Variants in CNTNAP2 observed in about 807,000 individuals in gnomAD.
CNTNAP2 encodes the protein contactin associated protein 2.
In CNTNAP2, 98 loss-of-function variants were observed where a neutral mutation model predicts 155.2. That is an observed-to-expected ratio of 0.63 (90% confidence interval 0.54 to 0.75). The LOEUF is 0.75. Among genes scored for constraint, CNTNAP2 ranks in the 30% least tolerant of loss-of-function variants. The pLI is 0.00. For missense variants in CNTNAP2, 1,727 were observed against 1,688.1 expected, an observed-to-expected ratio of 1.02 and a Z score of -0.40; for synonymous variants, 651 against 631.2, an observed-to-expected ratio of 1.03 and a Z score of -0.47.
intron 22 of CNTNAP2, among the ~76,000 whole-genome samples, chr7:148,384,666 C>G (rs1296040251): frequency 6.6e-6 from 1 of 152,102 alleles, no homozygotes; most frequent in East Asian, 1.9e-4. Context: ...ATCCAACATT[C>G]AGTGGGTCTC....
chr7:146,646,533 C>T (rs1330358414), intron 1 of CNTNAP2, among the ~76,000 whole-genome samples: 1 of 152,076 alleles, frequency 6.6e-6, no homozygotes, highest in Admixed American at 6.6e-5. Flanking sequence ...TATATACACA[C>T]AGTAGTTAAA....
chr7:146,595,111 G>A (rs1485809138), intron 1 of CNTNAP2, among the ~76,000 whole-genome samples: 1 of 151,972 alleles, frequency 6.6e-6, no homozygotes, highest in African/African-American at 2.4e-5. Context: ...GTTGGCTCCA[G>A]CACATCAGAA....
At chr7:146,790,005 C>T (rs980856201) in intron 2 of CNTNAP2, among the ~76,000 whole-genome samples, 7 of 151,720 alleles carry the variant, frequency 4.6e-5, no homozygotes, top group African/African-American at 1.5e-4. Flanking sequence ...GCTTTCTTCC[C>T]TTTCAAATAA....
At chr7:147,142,801 C>G (rs4551260) in intron 8 of CNTNAP2, among the ~76,000 whole-genome samples, 58 of 151,580 alleles carry the variant, frequency 3.8e-4, no homozygotes, top group Non-Finnish European at 7.4e-5. Context: ...CACACAAGAA[C>G]ATGCACAAAC....
At chr7:146,737,547 G>A (rs535547345) in intron 1 of CNTNAP2, among the ~76,000 whole-genome samples, 27 of 152,148 alleles carry the variant, frequency 1.8e-4, no homozygotes, top group Non-Finnish European at 3.4e-4. Flanking sequence ...TGCATAAAGT[G>A]CCTTATGTAC....
intron 3 of CNTNAP2, among the ~76,000 whole-genome samples, chr7:146,894,403 C>A (rs1233484138): frequency 6.6e-6 from 1 of 152,114 alleles, no homozygotes; most frequent in Non-Finnish European, 1.5e-5. Context: ...GCACTCTTTG[C>A]TTCAGCATTT....
chr7:148,036,396 C>T (rs1308398889), intron 15 of CNTNAP2, among the ~76,000 whole-genome samples: 1 of 152,020 alleles, frequency 6.6e-6, no homozygotes, highest in Non-Finnish European at 1.5e-5. Flanking sequence ...GGTGGCACTG[C>T]CCTCATGAAA....
intron 3 of CNTNAP2, among the ~76,000 whole-genome samples, chr7:147,025,592 C>T (rs953082464): frequency 9.9e-5 from 15 of 151,780 alleles, no homozygotes; most frequent in South Asian, 4.2e-4. Context: ...CCACCTCCAA[C>T]GCTGGGAATT....
At chr7:147,645,406 A>C (rs1584877020) in intron 13 of CNTNAP2, among the ~76,000 whole-genome samples, 2 of 152,234 alleles carry the variant, frequency 1.3e-5, no homozygotes, top group East Asian at 3.8e-4. Context: ...GTGACTAATC[A>C]GTGTATTAAT....
chr7:146,221,553 T>A (rs2116897950), intron 1 of CNTNAP2, among the ~76,000 whole-genome samples: 1 of 152,286 alleles, frequency 6.6e-6, no homozygotes, highest in East Asian at 1.9e-4. Context: ...GACCTGAAGA[T>A]TAGCCTGATA....
At chr7:147,636,808 T>A (rs1371905248) in intron 12 of CNTNAP2, among the ~76,000 whole-genome samples, 1 of 151,876 alleles carries the variant, frequency 6.6e-6, no homozygotes, top group Non-Finnish European at 1.5e-5. Context: ...TTTAAAAAAA[T>A]AAAATGTGTG....
rs1190332134 is a variant in CNTNAP2, at chr7:147,346,148, AT to A, written c.1498+45862del. Among the ~76,000 whole-genome samples the A allele has an allele frequency of 5.3e-3, 116 of 21,886 alleles. 3 individuals are homozygous for A. Among genetic ancestry groups the A allele is most frequent in the Admixed American group, 0.016 (29 of 1,782 alleles). 14.4% of individuals were successfully genotyped at this position (21,886 alleles called of 152,430 possible). On this transcript the variant is annotated intron_variant, in intron 9 of 23. Transcript: ENST00000361727. ...CGAAGATTTTATTTTATTTTATTTT[AT>A]TTTATTTTTTTTTTTTGAGACAGAG...
chr7:148,010,809 A>G (rs891561135), intron 15 of CNTNAP2, among the ~76,000 whole-genome samples: 3 of 152,056 alleles, frequency 2.0e-5, no homozygotes, highest in Non-Finnish European at 4.4e-5. Context: ...GTTTTTATAC[A>G]TGCAAGGGTC....
At chr7:147,361,995 T>C (rs753125778) in intron 9 of CNTNAP2, among the ~76,000 whole-genome samples, 105 of 152,146 alleles carry the variant, frequency 6.9e-4, no homozygotes, top group Non-Finnish European at 9.6e-4. Context: ...CTGGGAAAGG[T>C]GAAGGATGCA....
At chr7:147,322,114 A>C (rs901950244) in intron 9 of CNTNAP2, among the ~76,000 whole-genome samples, 1 of 152,202 alleles carries the variant, frequency 6.6e-6, no homozygotes, top group African/African-American at 2.4e-5. Flanking sequence ...TCCAAGTTCT[A>C]GATAGGAGGA....
intron 1 of CNTNAP2, among the ~76,000 whole-genome samples, chr7:146,495,428 GATA>G (rs1797199727): frequency 6.6e-6 from 1 of 152,022 alleles, no homozygotes; most frequent in Non-Finnish European, 1.5e-5. Flanking sequence ...CCTTGCCTCT[GATA>G]ATTAGTTACC....
intron 13 of CNTNAP2, among the ~76,000 whole-genome samples, chr7:147,773,434 G>A (rs563384905): frequency 6.6e-6 from 1 of 152,236 alleles, no homozygotes; most frequent in Non-Finnish European, 1.5e-5. Context: ...TCAGGAGTTT[G>A]AGACCAGCCC....
At chr7:148,165,474 CAT>C (rs1362552953) in intron 17 of CNTNAP2, among the ~76,000 whole-genome samples, 1 of 152,164 alleles carries the variant, frequency 6.6e-6, no homozygotes, top group Admixed American at 6.5e-5. Context: ...TCATCTCAGC[CAT>C]ATTTAATTTA....
intron 1 of CNTNAP2, among the ~76,000 whole-genome samples, chr7:146,720,443 C>T (rs543644894): frequency 2.9e-4 from 44 of 152,164 alleles, no homozygotes; most frequent in Admixed American, 1.2e-3. Flanking sequence ...GAGGGAAGTG[C>T]CTACATACTC....
Sources: allele counts gnomAD v4.1 joint callset (sites outside exome capture counted in the v4.1 genomes callset), GRCh38; gene constraint gnomAD v4.1.1; transcripts MANE v1.5; gene names NCBI Gene and HGNC (gene_info 2026-07-23, HGNC 2026-07-21).